Variants in PRDM6 observed in about 807,000 individuals in gnomAD.
The protein encoded by PRDM6 is PR/SET domain 6.
Under a neutral mutation model 60.8 loss-of-function variants are expected in PRDM6, and 25 were observed. The ratio of observed to expected loss-of-function variants is 0.41; its 90% confidence interval spans 0.30 to 0.57. PRDM6 has a LOEUF of 0.57. Ranked by LOEUF, PRDM6 falls within the 20% of genes least tolerant of loss-of-function variation. The pLI is 0.27. For synonymous variants in PRDM6, 407 were observed against 357.4 expected (o/e 1.14, Z -1.57); for missense variants, 839 against 821.3 (o/e 1.02, Z -0.26).
chr5:123,102,918 T>C (rs776850832), intron 3 of PRDM6, among the ~76,000 whole-genome samples: 2 of 152,116 alleles, frequency 1.3e-5, no homozygotes, highest in Non-Finnish European at 2.9e-5. Context: ...CATGAAGGCT[T>C]ATTACAGAAA....
At chr5:123,149,364 T>C (rs184915512) in intron 3 of PRDM6, among the ~76,000 whole-genome samples, 2 of 152,136 alleles carry the variant, frequency 1.3e-5, no homozygotes, top group Non-Finnish European at 2.9e-5. Context: ...ACCTTGAACA[T>C]ATTGAGTGTT....
chr5:123,152,524 A>G (rs141221897), intron 3 of PRDM6, among the ~76,000 whole-genome samples: 1,971 of 152,352 alleles, frequency 0.013, 32 homozygotes, highest in African/African-American at 0.037. Flanking sequence ...AAGGAGAAAC[A>G]CTTTGCTCAG....
At position 123,166,779 on chromosome 5, in the gene PRDM6, C is replaced by G. The variant is rs1366402137; in HGVS notation, c.1154-3987C>G. 2.6e-5 allele frequency among the ~76,000 whole-genome samples: 4 copies of G among 152,226 alleles called. No homozygotes were observed. The East Asian group carries it at 7.7e-4, about 29-fold the overall frequency. On this transcript the variant is annotated intron_variant, in intron 5 of 7. Coordinates refer to ENST00000407847, the MANE Select transcript of PRDM6 (RefSeq NM_001136239.4). ...AGTTTTATAGATCCTGAATTTGCCTCTCTCAATATTTTAACTGTCCAAATT... is the reference window on the plus strand; with the variant it reads ...AGTTTTATAGATCCTGAATTTGCCTGTCTCAATATTTTAACTGTCCAAATT...
At chr5:123,126,501 G>A (rs926494929) in intron 3 of PRDM6, among the ~76,000 whole-genome samples, 1 of 152,010 alleles carries the variant, frequency 6.6e-6, no homozygotes, top group African/African-American at 2.4e-5. Flanking sequence ...TTTTCTCTGG[G>A]CTCAGCTAAT....
Position 123,154,521 on chromosome 5 carries a change from AAAAT to A in PRDM6, c.901-1355_901-1352del, listed in dbSNP as rs368146925. Among the ~76,000 whole-genome samples the A allele has an allele frequency of 2.8e-4, 42 of 152,116 alleles. No individual in the cohort carries two copies. The East Asian group carries it at 4.0e-3, about 15-fold the overall frequency. On this transcript the variant is annotated intron_variant, in intron 3 of 7. Coordinates refer to ENST00000407847, the MANE Select transcript of PRDM6 (RefSeq NM_001136239.4). ...AGAAAAGCAAAAAATAAAATAAAATAAAATAAATAAAGTAAAAAAAAACTCAGCT... is the reference window on the plus strand; with the variant it reads ...AGAAAAGCAAAAAATAAAATAAAATAAAATAAAGTAAAAAAAAACTCAGCT...
chr5:123,098,019 C>T (rs1483070868), intron 2 of PRDM6, among the ~76,000 whole-genome samples: 1 of 152,226 alleles, frequency 6.6e-6, no homozygotes. Flanking sequence ...AGTCAGCCCT[C>T]CTTTGCTGTG....
At chr5:123,151,677 CG>C (rs1430077249) in intron 3 of PRDM6, among the ~76,000 whole-genome samples, 2 of 152,000 alleles carry the variant, frequency 1.3e-5, no homozygotes, top group Non-Finnish European at 2.9e-5. Flanking sequence ...CCACAGTGCT[CG>C]GCATTCTGGC....
At chr5:123,103,045 T>G (rs763426033) in intron 3 of PRDM6, among the ~76,000 whole-genome samples, 7 of 152,114 alleles carry the variant, frequency 4.6e-5, no homozygotes, top group Non-Finnish European at 1.0e-4. Context: ...TTGTTTGGTT[T>G]GTAAGCATGC....
At chr5:123,133,706 G>A (rs1254608983) in intron 3 of PRDM6, among the ~76,000 whole-genome samples, 2 of 151,904 alleles carry the variant, frequency 1.3e-5, no homozygotes, top group Non-Finnish European at 2.9e-5. Context: ...AAAAAAGTGG[G>A]GTGGTGGCTA....
intron 3 of PRDM6, among the ~76,000 whole-genome samples, chr5:123,147,894 G>A (rs1475010205): frequency 6.6e-6 from 1 of 152,172 alleles, no homozygotes; most frequent in South Asian, 2.1e-4. Flanking sequence ...GAGATAAGTG[G>A]AATTCACCAA....
intron 6 of PRDM6, chr5:123,173,359 T>G (rs1474830701): frequency 6.0e-6 from 1 of 166,994 alleles, no homozygotes; most frequent in African/African-American, 2.4e-5. Flanking sequence ...CTATACTGAT[T>G]CCAAGCTAAT....
intron 5 of PRDM6, among the ~76,000 whole-genome samples, 157 bp downstream of exon 5, chr5:123,159,795 T>A (rs907013127): frequency 6.6e-6 from 1 of 152,220 alleles, no homozygotes; most frequent in Non-Finnish European, 1.5e-5. Context: ...TCCCTGCATG[T>A]CATCTGCTTT....
At position 123,133,495 on chromosome 5, in the gene PRDM6, G is replaced by A. The variant is rs540529083; in HGVS notation, c.901-22389G>A. Among the ~76,000 whole-genome samples, 18 of 152,078 alleles carry A rather than the reference G, an allele frequency of 1.2e-4. No individual in the cohort carries two copies. In the East Asian group the frequency reaches 3.3e-3, roughly 28 times the overall value. ...ACCTAAATATCCTTTTTTATTAAAA[G>A]TCAGAATTAGCATTGCAAATACAAT... On this transcript the variant is annotated intron_variant, in intron 3 of 7. Coordinates refer to ENST00000407847, the MANE Select transcript of PRDM6 (RefSeq NM_001136239.4).
Position 123,090,230 on chromosome 5 carries a change from G to T in PRDM6, c.216G>T (p.Arg72=). The part of the protein sequence containing the change: ...AEPPPDSLRP[R]PASLSSASST... ...CTCCGCCGGACAGCCTGCGCCCGCG[G>T]CCCGCCTCTCTCTCCTCCGCCTCGT... The change falls in exon 2 of 8, where the codon CGG becomes CGT. Residue 72 remains arginine, a synonymous_variant. Transcript: ENST00000407847. 1.4e-6 allele frequency: 2 copies of T among 1,473,968 alleles called. No individual in the cohort carries two copies. The highest frequency in any genetic ancestry group is 1.8e-6 in the Non-Finnish European group (2 of 1,113,716). 91.3% of individuals were successfully genotyped at this position (1,473,968 alleles called of 1,614,324 possible).
At chr5:123,105,224 A>G (rs963390107) in intron 3 of PRDM6, among the ~76,000 whole-genome samples, 1 of 152,212 alleles carries the variant, frequency 6.6e-6, no homozygotes, top group Non-Finnish European at 1.5e-5. Flanking sequence ...CCATAACTGC[A>G]TATTTTCTTA....
chr5:123,142,259 A>G (rs1410220646), intron 3 of PRDM6, among the ~76,000 whole-genome samples: 1 of 151,664 alleles, frequency 6.6e-6, no homozygotes, highest in Non-Finnish European at 1.5e-5. Context: ...TCATAGGGTC[A>G]TGGAAATGGG....
intron 7 of PRDM6, among the ~76,000 whole-genome samples, chr5:123,183,243 A>G (rs1766207950): frequency 6.6e-6 from 1 of 152,208 alleles, no homozygotes; most frequent in Admixed American, 6.5e-5. Flanking sequence ...TTCCAAATAG[A>G]TGCCCCAGAT....
chr5:123,125,819 G>A (rs535365988), intron 3 of PRDM6, among the ~76,000 whole-genome samples: 1 of 152,296 alleles, frequency 6.6e-6, no homozygotes, highest in African/African-American at 2.4e-5. Flanking sequence ...TTGAAGACAG[G>A]GAGTTTCATG....
chr5:123,131,328 G>A (rs1764829758), intron 3 of PRDM6, among the ~76,000 whole-genome samples: 1 of 152,098 alleles, frequency 6.6e-6, no homozygotes, highest in South Asian at 2.1e-4. Context: ...AGAAGAGTAG[G>A]TTTGGAATGT....
Sources: gnomAD v4.1 joint callset for allele counts (sites outside exome capture counted in the v4.1 genomes callset) on GRCh38, gnomAD v4.1.1 for gene constraint, MANE v1.5 for transcripts, NCBI Gene and HGNC (gene_info 2026-07-23, HGNC 2026-07-21) for gene names.